Variants in MICALL2 observed in about 807,000 individuals in gnomAD.
MICALL2 encodes MICAL like 2, also known as MICAL-like protein 2.
In MICALL2, 111 loss-of-function variants were observed where a neutral mutation model predicts 91.1. The observed-to-expected ratio is 1.22, with a 90% CI of 1.04 to 1.43. MICALL2 has a LOEUF of 1.43. Ranked by LOEUF, MICALL2 falls within the 40% of genes most tolerant of loss-of-function variation. The pLI is 0.00. For missense variants in MICALL2, 1,556 were observed against 1,236.0 expected (o/e 1.26, Z -3.88); for synonymous variants, 694 against 525.3 (o/e 1.32, Z -4.39).
At chr7:1,456,543 A>G (rs1467844411) in intron 1 of MICALL2, among the ~76,000 whole-genome samples, 1 of 152,148 alleles carries the variant, frequency 6.6e-6, no homozygotes, top group South Asian at 2.1e-4. Flanking sequence ...CTGAGATCGC[A>G]CCACTGCACT....
intron 9 of MICALL2, chr7:1,439,317 C>T (rs1780144866): frequency 2.9e-6 from 1 of 347,826 alleles, no homozygotes; most frequent in East Asian, 5.0e-5. Flanking sequence ...ACGCATCACA[C>T]ACGAACACGG....
At chr7:1,449,055 C>G (rs926396063) in intron 2 of MICALL2, among the ~76,000 whole-genome samples, 1 of 152,272 alleles carries the variant, frequency 6.6e-6, no homozygotes, top group Non-Finnish European at 1.5e-5. Context: ...CCAGGCCCCA[C>G]CCAACCCAGA....
chr7:1,434,993 C>CT, intron 16 of MICALL2, 108 bp downstream of exon 16: 1 of 465,598 alleles, frequency 2.1e-6, no homozygotes, highest in Non-Finnish European at 3.7e-6. Flanking sequence ...CCGCCCCCCC[C>CT]CCACCCCCAG....
intron 9 of MICALL2, chr7:1,439,584 T>C (rs1295379663): frequency 4.4e-5 from 11 of 251,716 alleles, no homozygotes; most frequent in Non-Finnish European, 8.1e-5. Flanking sequence ...AACACTGATG[T>C]ACACATGAAT....
At chr7:1,456,074 C>G (rs1781004072) in intron 1 of MICALL2, among the ~76,000 whole-genome samples, 1 of 151,882 alleles carries the variant, frequency 6.6e-6, no homozygotes, top group Non-Finnish European at 1.5e-5. Context: ...CGGCAGGGAG[C>G]AGAGGCTGAG....
intron 6 of MICALL2, among the ~76,000 whole-genome samples, 164 bp from the exon 7 acceptor site, chr7:1,442,648 C>T (rs1584212324): frequency 6.7e-6 from 1 of 148,198 alleles, no homozygotes; most frequent in Non-Finnish European, 1.5e-5. Flanking sequence ...CACCATTGCG[C>T]CAGGCCACCC....
chr7:1,435,821 G>A (rs1000103978), intron 15 of MICALL2, among the ~76,000 whole-genome samples: 42 of 151,856 alleles, frequency 2.8e-4, no homozygotes, highest in African/African-American at 8.7e-4. Context: ...TTGGGAGGCT[G>A]AGGCGGGCGG....
chr7:1,459,044 G>A, intron 1 of MICALL2, 140 bp downstream of exon 1: 1 of 836,418 alleles, frequency 1.2e-6, no homozygotes, highest in East Asian at 3.1e-5. Context: ...GACAGCCTCG[G>A]GGGGCTGCAC....
intron 10 of MICALL2, 132 bp from the exon 11 acceptor site, chr7:1,438,485 G>A (rs575304390): frequency 4.1e-5 from 61 of 1,477,410 alleles, no homozygotes; most frequent in African/African-American, 8.4e-5. Context: ...TGCCCCACAC[G>A]CCCACTGGAC....
At chr7:1,453,393 A>T (rs1780905166) in intron 1 of MICALL2, among the ~76,000 whole-genome samples, 1 of 152,136 alleles carries the variant, frequency 6.6e-6, no homozygotes, top group African/African-American at 2.4e-5. Flanking sequence ...CGGCCACCCC[A>T]GAGCCAAGGA....
At position 1,459,432 on chromosome 7, in the gene MICALL2, C is replaced by G. The variant is rs1281416867; in HGVS notation, c.-106G>C. 1.8e-6 allele frequency: 2 copies of G among 1,114,106 alleles called. No individual in the cohort carries two copies. The highest frequency in any genetic ancestry group is 3.3e-5 in the East Asian group (1 of 30,212). The allele number at this position is 1,114,106 out of a possible 1,614,324, so 69.0% of individuals were successfully genotyped here. ...ACAGACGCTGGGACCGCTACGGAAC[C>G]GCCAGACCCACGGCGCCCAGCCCCA... On this transcript the variant is annotated 5_prime_UTR_variant, in exon 1 of 17. Coordinates refer to ENST00000297508, the MANE Select transcript of MICALL2 (RefSeq NM_182924.4).
intron 1 of MICALL2, among the ~76,000 whole-genome samples, chr7:1,455,026 C>G (rs1242981657): frequency 6.6e-6 from 1 of 152,186 alleles, no homozygotes; most frequent in Non-Finnish European, 1.5e-5. Flanking sequence ...GGCCTGGCCA[C>G]AAATCCGACA....
chr7:1,442,134 G>C, intron 7 of MICALL2, 58 bp downstream of exon 7: 1 of 1,577,958 alleles, frequency 6.3e-7, no homozygotes, highest in Non-Finnish European at 8.6e-7. Flanking sequence ...GTGCGGCCAG[G>C]GGAGAGTCCC....
At chr7:1,449,103 G>T (rs1780724482) in intron 2 of MICALL2, among the ~76,000 whole-genome samples, 1 of 152,202 alleles carries the variant, frequency 6.6e-6, no homozygotes, top group South Asian at 2.1e-4. Context: ...CAGAGGCAGG[G>T]CTGACATTGC....
intron 15 of MICALL2, among the ~76,000 whole-genome samples, chr7:1,436,114 T>C (rs1440834431): frequency 2.0e-5 from 3 of 147,208 alleles, no homozygotes; most frequent in Admixed American, 2.0e-4. Flanking sequence ...TTACGGCCAG[T>C]TACGGTGGCT....
chr7:1,434,521 G>T lies in MICALL2; in HGVS notation c.*75C>A, dbSNP rs1334917133. On this transcript the variant is annotated 3_prime_UTR_variant, in exon 17 of 17. Transcript: ENST00000297508. Reference sequence around the variant, plus strand: ...CCCCGAGTACAAGTCCGGGTTCCGGGTCCGGGCCAAGCCCATGGCCCCGAG... The same window carrying T: ...CCCCGAGTACAAGTCCGGGTTCCGGTTCCGGGCCAAGCCCATGGCCCCGAG... The T allele has an allele frequency of 2.2e-6, 3 of 1,347,454 alleles. No homozygotes were observed. The highest frequency in any genetic ancestry group is 3.2e-6 in the Non-Finnish European group (3 of 938,588). 83.5% of individuals were successfully genotyped at this position (1,347,454 alleles called of 1,614,324 possible).
Position 1,451,541 on chromosome 7 carries a change from G to A in MICALL2, c.144-1253C>T, listed in dbSNP as rs1036820254. Among the ~76,000 whole-genome samples the A allele has an allele frequency of 1.1e-4, 16 of 152,314 alleles. No homozygotes were observed. Among genetic ancestry groups the A allele is most frequent in the Non-Finnish European group, 1.8e-4 (12 of 68,020 alleles). The stretch of plus-strand genomic sequence containing the variant: ...TAGTGATCGTGACCCGTCTGTCCAC[G>A]TTGCTGCCTGTGGGGTCCCGGACAG... On this transcript the variant is annotated intron_variant, in intron 1 of 16. Transcript: ENST00000297508. The surrounding 1 kb of genome is among the most constrained non-coding windows in gnomAD (Gnocchi z 4.5).
In MICALL2 at chr7:1,447,591, C is replaced by G; in HGVS notation, c.509G>C (p.Gly170Ala). 1 of 1,570,522 alleles carries G rather than the reference C, an allele frequency of 6.4e-7. No individual in the cohort carries two copies. The highest frequency in any genetic ancestry group is 8.6e-7 in the Non-Finnish European group (1 of 1,158,212). ...GGAGCTTACAGTCTTGGGGGGCGGG[C>G]CCCCTGCACCCTCATTCCTCCTCTG... ...VVQRRNEGAG[G>A]PPPKTDQALA... Residue 170 changes from glycine (G) to alanine (A), a missense_variant, in exon 4 of 17, where the codon GGC becomes GCC. Physicochemically the swap from Gly to Ala is moderately conservative, Grantham distance 60. Transcript: ENST00000297508.
chr7:1,440,813 C>CGGCCGGGGGGCATCAGGAGCACCG, intron 7 of MICALL2, 129 bp from the exon 8 acceptor site: 2 of 745,202 alleles, frequency 2.7e-6, no homozygotes, highest in South Asian at 3.2e-5. Context: ...CACAGCCAGC[C>CGGCCGGGGGGCATCAGGAGCACCG]GGCCGGGGGG....
Sources: gnomAD v4.1 joint callset for allele counts (sites outside exome capture counted in the v4.1 genomes callset) on GRCh38, gnomAD v4.1.1 for gene constraint, Gnocchi (gnomAD v3.1) non-coding constraint, MANE v1.5 for transcripts, NCBI Gene and HGNC (gene_info 2026-07-23, HGNC 2026-07-21) for gene names.